The following FBN1 variants were observed in gnomAD, a reference collection of about 807,000 sequenced individuals.
FBN1 encodes fibrillin-1.
A neutral mutation model predicts 365.1 loss-of-function variants in FBN1; 29 were observed. The observed-to-expected ratio is 0.08, with a 90% CI of 0.06 to 0.11. The LOEUF (loss-of-function observed/expected upper bound fraction) is 0.11. FBN1 is among the 10% of genes least tolerant of loss of function. The pLI is 1.00. For synonymous variants in FBN1, 1,210 were observed against 1,270.5 expected, an observed-to-expected ratio of 0.95 and a Z score of 1.01; for missense variants, 2,476 against 3,703.2, an observed-to-expected ratio of 0.67 and a Z score of 8.60.
intron 7 of FBN1, 93 bp from the exon 8 acceptor site, chr15:48,534,298 C>T (rs2043997482): frequency 7.6e-7 from 1 of 1,315,914 alleles, no homozygotes; most frequent in Non-Finnish European, 1.1e-6. Context: ...AATTATGTTA[C>T]CATATTTATA....
At chr15:48,576,354 T>A (rs1157660227) in intron 6 of FBN1, among the ~76,000 whole-genome samples, 1 of 152,190 alleles carries the variant, frequency 6.6e-6, no homozygotes. Flanking sequence ...AAAAAAATTG[T>A]CCTTGACCTC....
chr15:48,456,871 T>TGTGCGC (rs749897052), intron 43 of FBN1, 109 bp from the exon 44 acceptor site: 1 of 1,082,468 alleles, frequency 9.2e-7, no homozygotes, highest in Non-Finnish European at 1.4e-6. Flanking sequence ...TGTGTGTGTG[T>TGTGCGC]GCGTGCATGT....
chr15:48,414,303 C>T (rs2042885631), intron 64 of FBN1, among the ~76,000 whole-genome samples: 1 of 152,170 alleles, frequency 6.6e-6, no homozygotes, highest in South Asian at 2.1e-4. Flanking sequence ...CTTCTACCTA[C>T]CCAGATCCAA....
chr15:48,447,895 C>T (rs1042452659), intron 46 of FBN1, among the ~76,000 whole-genome samples: 1 of 152,052 alleles, frequency 6.6e-6, no homozygotes, highest in African/African-American at 2.4e-5. Flanking sequence ...TCATTTTTAG[C>T]CAAACTGGTG....
chr15:48,452,115 G>A (rs527697713), intron 45 of FBN1, among the ~76,000 whole-genome samples: 1 of 152,338 alleles, frequency 6.6e-6, no homozygotes, highest in South Asian at 2.1e-4. Flanking sequence ...CCCAGCTCAG[G>A]AGAGCTTCAC....
chr15:48,461,957 C>G (rs1481010600), intron 42 of FBN1, among the ~76,000 whole-genome samples: 1 of 152,088 alleles, frequency 6.6e-6, no homozygotes, highest in Non-Finnish European at 1.5e-5. Context: ...GATGGTGGGA[C>G]AGATTTGGCC....
At chr15:48,535,615 T>C (rs1420327879) in intron 7 of FBN1, among the ~76,000 whole-genome samples, 3 of 152,210 alleles carry the variant, frequency 2.0e-5, no homozygotes, top group South Asian at 2.1e-4. Context: ...TCACTCTTCA[T>C]TGAGTAAAGA....
chr15:48,610,542 G>A lies in FBN1; in HGVS notation c.346+186C>T, dbSNP rs530468038. Among the ~76,000 whole-genome samples, 5 of 152,270 alleles carry A rather than the reference G, an allele frequency of 3.3e-5. No homozygotes were observed. In the East Asian group the frequency reaches 9.7e-4, roughly 29 times the overall value. ...CCCATAGGTAATTTTCCTATAAAGA[G>A]TAAAGAAGGGAAATGAGAGGCCAGA... is the stretch of plus-strand genomic sequence containing the variant. On this transcript the variant is annotated intron_variant, in intron 4 of 65. Coordinates refer to ENST00000316623, the MANE Select transcript of FBN1 (RefSeq NM_000138.5).
chr15:48,644,574 C>G (rs1390939684), intron 2 of FBN1, 32 bp downstream of exon 2: 1 of 1,613,556 alleles, frequency 6.2e-7, no homozygotes. Context: ...ACTTGGGAGA[C>G]CCACACCAAA....
rs1555405537 is a variant in FBN1, at chr15:48,610,829, G to A, written c.248-3C>T. 2 of 1,613,056 alleles carry A rather than the reference G, an allele frequency of 1.2e-6. No homozygotes were observed. The highest frequency in any genetic ancestry group is 4.5e-5 in the East Asian group (2 of 44,884). On this transcript the variant is annotated splice_polypyrimidine_tract_variant and splice_region_variant and intron_variant, in intron 3 of 65. Coordinates refer to ENST00000316623, the MANE Select transcript of FBN1 (RefSeq NM_000138.5). ...CCCACAGGAATGCCGGCAAATGGCT[G>A]TGAATAAACCAGAGGTCTGTTAGCA...
chr15:48,542,776 C>CT (rs1317092447), intron 6 of FBN1, among the ~76,000 whole-genome samples: 1 of 121,406 alleles, frequency 8.2e-6, no homozygotes, highest in East Asian at 2.9e-4. Flanking sequence ...CTCTAGGACT[C>CT]TAAGATGTGT....
chr15:48,625,295 G>A (rs1784097320), intron 2 of FBN1, among the ~76,000 whole-genome samples: 1 of 152,118 alleles, frequency 6.6e-6, no homozygotes, highest in African/African-American at 2.4e-5. Flanking sequence ...GGGCTGGTCT[G>A]GGAACCTGAC....
At chr15:48,506,511 C>T (rs16961046) in intron 15 of FBN1, among the ~76,000 whole-genome samples, 23,002 of 152,194 alleles carry the variant, frequency 0.15, 1,895 homozygotes, top group East Asian at 0.36. Flanking sequence ...TGACACACAG[C>T]AAAACGTGGA....
intron 4 of FBN1, among the ~76,000 whole-genome samples, chr15:48,604,718 A>G (rs1299096227): frequency 6.6e-6 from 1 of 152,200 alleles, no homozygotes; most frequent in Admixed American, 6.5e-5. Flanking sequence ...CTCCCAGTCC[A>G]TATAAATCCC....
At chr15:48,604,991 T>C (rs1253578444) in intron 4 of FBN1, among the ~76,000 whole-genome samples, 1 of 152,224 alleles carries the variant, frequency 6.6e-6, no homozygotes, top group Non-Finnish European at 1.5e-5. Flanking sequence ...AGGTTTTGTC[T>C]GCGACTGGTC....
rs947599579 is a variant in FBN1, at chr15:48,591,301, GA to G, written c.538+4981del. ...AAAACTCAAATGCCTCCTCAAAAGG[GA>G]AAAAAAAAAATCACACACTGATTTG... On this transcript the variant is annotated intron_variant, in intron 6 of 65. Transcript: ENST00000316623. Among the ~76,000 whole-genome samples, 627 of 146,330 alleles carry G rather than the reference GA, an allele frequency of 4.3e-3. 2 individuals carry two copies. The highest frequency in any genetic ancestry group is 0.013 in the African/African-American group (541 of 40,168).
chr15:48,433,136 G>A (rs1046408381), intron 54 of FBN1, 148 bp from the exon 55 acceptor site: 37 of 799,646 alleles, frequency 4.6e-5, no homozygotes, highest in African/African-American at 1.0e-4. Flanking sequence ...CCCATTTCCC[G>A]GAAATTATAA....
intron 17 of FBN1, among the ~76,000 whole-genome samples, chr15:48,501,172 T>C (rs1277233994): frequency 2.0e-5 from 3 of 152,216 alleles, no homozygotes; most frequent in Admixed American, 1.3e-4. Flanking sequence ...TCCTCCAAAG[T>C]TCATGTGCTG....
At chr15:48,457,626 C>A (rs1331465901) in intron 43 of FBN1, among the ~76,000 whole-genome samples, 3 of 152,102 alleles carry the variant, frequency 2.0e-5, no homozygotes, top group Non-Finnish European at 2.9e-5. Flanking sequence ...GAACTCCTGA[C>A]CACTGAAGTG....
Sources: gnomAD v4.1 joint callset for allele counts (sites outside exome capture counted in the v4.1 genomes callset) on GRCh38, gnomAD v4.1.1 for gene constraint, MANE v1.5 for transcripts, NCBI Gene and HGNC (gene_info 2026-07-23, HGNC 2026-07-21) for gene names.